Variants in PLCH1 observed in about 807,000 individuals in gnomAD.
PLCH1 encodes the protein phospholipase C eta 1.
In PLCH1, 60 loss-of-function variants were observed where a neutral mutation model predicts 126.7. The ratio of observed to expected loss-of-function variants is 0.47; its 90% CI spans 0.38 to 0.59. The LOEUF is 0.59. Among genes scored for constraint, PLCH1 ranks in the 20% least tolerant of loss-of-function variants. PLCH1 has a pLI of 0.00. For synonymous variants in PLCH1, 719 were observed against 734.9 expected (o/e 0.98, Z 0.35); for missense variants, 1,723 against 2,040.0 (o/e 0.84, Z 2.99).
At chr3:155,552,846 C>T (rs1025695620) in intron 9 of PLCH1, among the ~76,000 whole-genome samples, 13 of 152,136 alleles carry the variant, frequency 8.5e-5, no homozygotes, top group African/African-American at 3.1e-4. Context: ...GAACAGGAGG[C>T]AATGGAGTCA....
chr3:155,574,664 A>G (rs932189983), intron 6 of PLCH1, among the ~76,000 whole-genome samples: 7 of 152,134 alleles, frequency 4.6e-5, no homozygotes, highest in African/African-American at 1.7e-4. Flanking sequence ...GTAACTATTA[A>G]CCTCCTCAAA....
intron 15 of PLCH1, among the ~76,000 whole-genome samples, chr3:155,495,341 C>G (rs1716883415): frequency 6.6e-6 from 1 of 152,100 alleles, no homozygotes; most frequent in South Asian, 2.1e-4. Context: ...ATTTAATATT[C>G]CACTCTTGTC....
intron 2 of PLCH1, among the ~76,000 whole-genome samples, chr3:155,684,568 C>A (rs1412076073): frequency 2.0e-5 from 3 of 151,966 alleles, no homozygotes; most frequent in African/African-American, 7.3e-5. Flanking sequence ...CCTGTAATGT[C>A]TGAGGAAGAC....
At chr3:155,497,150 A>C (rs1055355482) in intron 15 of PLCH1, among the ~76,000 whole-genome samples, 170 bp downstream of exon 15, 3 of 152,198 alleles carry the variant, frequency 2.0e-5, no homozygotes, top group African/African-American at 7.2e-5. Flanking sequence ...AGAACCCTCC[A>C]TGTGAACTCA....
chr3:155,565,255 T>A (rs1370320494), intron 7 of PLCH1, 137 bp from the exon 8 acceptor site: 1 of 623,358 alleles, frequency 1.6e-6, no homozygotes, highest in African/African-American at 1.8e-5. Context: ...TGGGGAAAAC[T>A]GGAGCAATGA....
chr3:155,469,167 G>C (rs186721305), intron 21 of PLCH1, among the ~76,000 whole-genome samples: 1 of 152,176 alleles, frequency 6.6e-6, no homozygotes, highest in Non-Finnish European at 1.5e-5. Context: ...TGAGGTACCG[G>C]GTTCATCTCA....
At chr3:155,619,100 T>C (rs1477979499) in intron 2 of PLCH1, among the ~76,000 whole-genome samples, 30 of 152,296 alleles carry the variant, frequency 2.0e-4, no homozygotes, top group Non-Finnish European at 2.5e-4. Flanking sequence ...TAGCCTCATG[T>C]CAATTTCTAT....
chr3:155,598,875 T>A (rs1733342549), intron 2 of PLCH1, among the ~76,000 whole-genome samples: 1 of 152,090 alleles, frequency 6.6e-6, no homozygotes, highest in Admixed American at 6.6e-5. Context: ...TGTATTTACG[T>A]CCCCAAAGAC....
chr3:155,618,190 AT>A (rs1736019743), intron 2 of PLCH1, among the ~76,000 whole-genome samples: 1 of 152,186 alleles, frequency 6.6e-6, no homozygotes, highest in African/African-American at 2.4e-5. Context: ...TAATACACCT[AT>A]TGTTAGATTC....
chr3:155,707,550 G>A (rs112451995), intron 1 of PLCH1, among the ~76,000 whole-genome samples: 3,248 of 151,970 alleles, frequency 0.021, 133 homozygotes, highest in African/African-American at 0.074. Flanking sequence ...TTAGCCAGGC[G>A]TGGGGGTGGG....
chr3:155,721,220 A>C (rs1404571294), intron 1 of PLCH1, among the ~76,000 whole-genome samples: 8 of 152,170 alleles, frequency 5.3e-5, no homozygotes, highest in Admixed American at 3.3e-4. Flanking sequence ...GTTTCATATA[A>C]GTTTTAGGAT....
intron 8 of PLCH1, among the ~76,000 whole-genome samples, chr3:155,558,825 C>T (rs959193636): frequency 1.3e-5 from 2 of 152,256 alleles, no homozygotes; most frequent in Admixed American, 1.3e-4. Flanking sequence ...TAAGAGGAGA[C>T]TACTATACAC....
At chr3:155,701,705 T>C (rs1443365251) in intron 2 of PLCH1, among the ~76,000 whole-genome samples, 1 of 152,210 alleles carries the variant, frequency 6.6e-6, no homozygotes, top group Non-Finnish European at 1.5e-5. Flanking sequence ...CTTTCTTTTC[T>C]CAGAAATGTT....
chr3:155,565,735 G>T (rs1016697741), intron 7 of PLCH1, among the ~76,000 whole-genome samples: 2 of 143,426 alleles, frequency 1.4e-5, no homozygotes, highest in Non-Finnish European at 3.0e-5. Context: ...TTGCTTTGTC[G>T]CCCAGGCTGG....
intron 2 of PLCH1, among the ~76,000 whole-genome samples, chr3:155,682,156 A>C (rs1321145677): frequency 6.6e-6 from 1 of 152,254 alleles, no homozygotes; most frequent in African/African-American, 2.4e-5. Flanking sequence ...ATATGCTTTC[A>C]GTTTTTATTT....
intron 10 of PLCH1, among the ~76,000 whole-genome samples, chr3:155,542,600 C>A (rs1352980795): frequency 6.6e-6 from 1 of 152,146 alleles, no homozygotes; most frequent in Admixed American, 6.6e-5. Flanking sequence ...GGGTCCCTGA[C>A]CCCTGACCCC....
chr3:155,737,047 C>T (rs1052577286), intron 1 of PLCH1, among the ~76,000 whole-genome samples: 4 of 151,532 alleles, frequency 2.6e-5, no homozygotes, highest in Admixed American at 6.6e-5. Context: ...CTGGGCAACA[C>T]GGTGAAACCC....
chr3:155,709,568 C>T (rs571511340), intron 1 of PLCH1, among the ~76,000 whole-genome samples: 1 of 152,238 alleles, frequency 6.6e-6, no homozygotes, highest in East Asian at 1.9e-4. Context: ...TGCTTGTTTG[C>T]CAGTAGTATA....
rs543659552 is a variant in PLCH1 at position 155,530,831 on chromosome 3, T to C, written c.1363-6827A>G. On this transcript the variant is annotated intron_variant, in intron 10 of 22. Transcript: ENST00000460012. ...AAGGAATCACTATTTATGGCAGTTA[T>C]AGGCTTACAAAGTATATTTCTTAAA... is the stretch of plus-strand genomic sequence containing the variant. Among the ~76,000 whole-genome samples, 7 of 152,376 alleles carry C rather than the reference T, an allele frequency of 4.6e-5. No individual in the cohort carries two copies. The South Asian group carries it at 1.4e-3, about 32-fold the overall frequency.
Sources: allele counts gnomAD v4.1 joint callset (sites outside exome capture counted in the v4.1 genomes callset), GRCh38; gene constraint gnomAD v4.1.1; transcripts MANE v1.5; gene names NCBI Gene and HGNC (gene_info 2026-07-23, HGNC 2026-07-21).